The following CHRM2 variants were observed in gnomAD, a reference collection of about 807,000 sequenced individuals.
CHRM2 encodes muscarinic acetylcholine receptor M2.
Under a neutral mutation model 25.0 loss-of-function variants are expected in CHRM2, and 8 were observed. The ratio of observed to expected loss-of-function variants is 0.32; its 90% CI spans 0.19 to 0.58. The LOEUF (loss-of-function observed/expected upper bound fraction) is 0.58, where lower values mean the gene tolerates loss of function less well. CHRM2 is among the 20% of genes least tolerant of loss of function. The pLI is 0.88. For missense variants in CHRM2, 440 were observed against 567.1 expected (o/e 0.78, Z 2.28); for synonymous variants, 202 against 205.7 (o/e 0.98, Z 0.15).
intron 2 of CHRM2, among the ~76,000 whole-genome samples, chr7:136,958,386 A>G (rs1448243700): frequency 6.7e-6 from 1 of 148,336 alleles, no homozygotes; most frequent in Non-Finnish European, 1.5e-5. Context: ...TCTATTTTCT[A>G]TTGTACTTCT....
At chr7:136,945,159 T>A (rs1484878587) in intron 2 of CHRM2, among the ~76,000 whole-genome samples, 1 of 152,124 alleles carries the variant, frequency 6.6e-6, no homozygotes, top group African/African-American at 2.4e-5. Context: ...ATTGCAAAGA[T>A]GTTCTCCCCC....
In CHRM2 at chr7:137,015,568, C is replaced by A. The variant is rs138886480; in HGVS notation, c.703C>A (p.Leu235Met). ...CAACCAAGACCCCGTTTCTCCAAGTCTGGTACAAGGAAGGATAGTGAAGCC... is the reference window on the plus strand; with the variant it reads ...CAACCAAGACCCCGTTTCTCCAAGTATGGTACAAGGAAGGATAGTGAAGCC... ...VANQDPVSPS[L>M]VQGRIVKPNN... The change falls in exon 4 of 4, where the codon CTG becomes ATG. Residue 235 changes from leucine to methionine, a missense_variant. By Grantham distance (15) the Leu-to-Met change is conservative. Transcript: ENST00000680005. This position sits in a 1 kb window ranked among gnomAD's most constrained non-coding sequence, Gnocchi z 5.1. 241 of 1,612,876 alleles carry A rather than the reference C, an allele frequency of 1.5e-4. No individual in the cohort carries two copies. The East Asian group carries it at 5.2e-3, about 35-fold the overall frequency.
chr7:137,004,857 T>C (rs770168700), intron 3 of CHRM2, among the ~76,000 whole-genome samples: 9 of 152,102 alleles, frequency 5.9e-5, no homozygotes, highest in African/African-American at 2.2e-4. Flanking sequence ...CAAGTTTTCA[T>C]GGGATAACAC....
Position 137,016,300 on chromosome 7 carries a change from G to A in CHRM2, c.*34G>A. The A allele has an allele frequency of 1.9e-6, 3 of 1,597,954 alleles. No homozygotes were observed. The highest frequency in any genetic ancestry group is 1.1e-5 in the South Asian group (1 of 90,608). On this transcript the variant is annotated 3_prime_UTR_variant, in exon 4 of 4. Coordinates refer to ENST00000680005, the MANE Select transcript of CHRM2 (RefSeq NM_001006630.2). ...TGAAAAAGATAGAAGGTGGGCAAGG[G>A]GAGCTTGAGAAGAATAAAAGGGATA...
chr7:136,916,274 GAA>G (rs1293761546), intron 2 of CHRM2, among the ~76,000 whole-genome samples: 1 of 151,788 alleles, frequency 6.6e-6, no homozygotes, highest in Non-Finnish European at 1.5e-5. Flanking sequence ...TTAGAAATAA[GAA>G]AAACTCAACA....
At chr7:136,931,845 A>G (rs2130782328) in intron 2 of CHRM2, among the ~76,000 whole-genome samples, 1 of 152,362 alleles carries the variant, frequency 6.6e-6, no homozygotes, top group Non-Finnish European at 1.5e-5. Context: ...TTCCCAAACA[A>G]GAATATCTAG....
intron 3 of CHRM2, among the ~76,000 whole-genome samples, chr7:137,011,179 T>C (rs940785518): frequency 8.3e-5 from 12 of 144,036 alleles, no homozygotes; most frequent in African/African-American, 3.3e-4. Flanking sequence ...ACAGAACCAA[T>C]AGGATATATG....
intron 2 of CHRM2, among the ~76,000 whole-genome samples, chr7:136,882,648 G>A (rs1225289498): frequency 1.3e-5 from 2 of 151,972 alleles, no homozygotes; most frequent in African/African-American, 4.8e-5. Context: ...ACTCTTTCTA[G>A]GTAAAATTTT....
intron 2 of CHRM2, among the ~76,000 whole-genome samples, chr7:136,939,138 T>A (rs1413703782): frequency 6.6e-6 from 1 of 152,128 alleles, no homozygotes. Context: ...CTTGTCCCCA[T>A]GAGGAAGCAG....
intron 2 of CHRM2, chr7:136,903,292 C>A (rs1231822285): frequency 1.9e-6 from 1 of 526,350 alleles, no homozygotes. Flanking sequence ...GCGGACACTT[C>A]CAACTCCATC....
At chr7:136,885,932 C>T (rs189787579) in intron 2 of CHRM2, among the ~76,000 whole-genome samples, 196 of 152,238 alleles carry the variant, frequency 1.3e-3, no homozygotes, top group Middle Eastern at 3.4e-3. Context: ...GTACGTTATT[C>T]TCAGTAGCTA....
At chr7:136,971,574 G>A (rs1245369660) in intron 2 of CHRM2, among the ~76,000 whole-genome samples, 5 of 140,116 alleles carry the variant, frequency 3.6e-5, no homozygotes, top group Non-Finnish European at 7.5e-5. Context: ...CTGAGATCAC[G>A]CCACTGCACT....
At chr7:136,957,887 T>C (rs2350782) in intron 2 of CHRM2, among the ~76,000 whole-genome samples, 16,338 of 152,282 alleles carry the variant, frequency 0.11, 1,297 homozygotes, top group East Asian at 0.38. Flanking sequence ...CAAAAGTTTT[T>C]AAATCAATTC....
chr7:136,965,543 G>A (rs1169410074), intron 2 of CHRM2, among the ~76,000 whole-genome samples: 2 of 151,970 alleles, frequency 1.3e-5, no homozygotes, highest in African/African-American at 4.8e-5. Context: ...TAAAATTTCA[G>A]GTCCAGATAC....
In CHRM2 at chr7:136,872,612, A is replaced by G. The variant is rs150921342; in HGVS notation, c.-125+3194A>G. ...ATGGGTGGTTTCAGAGATCCAAAGA[A>G]AACAGTCCCAGACTGCTGGCAGGTA... On this transcript the variant is annotated intron_variant, in intron 2 of 3. Coordinates refer to ENST00000680005, the MANE Select transcript of CHRM2 (RefSeq NM_001006630.2). 2.3e-4 allele frequency among the ~76,000 whole-genome samples: 35 copies of G among 152,310 alleles called. No individual in the cohort carries two copies. The Middle Eastern group carries it at 0.01, about 44-fold the overall frequency.
chr7:137,012,906 C>G (rs186395995), intron 3 of CHRM2, among the ~76,000 whole-genome samples: 1 of 151,986 alleles, frequency 6.6e-6, no homozygotes, highest in Admixed American at 6.6e-5. Flanking sequence ...TCCCGCTAGT[C>G]CCACCAAAAG....
At chr7:136,922,498 G>A (rs1584761438) in intron 2 of CHRM2, among the ~76,000 whole-genome samples, 1 of 152,106 alleles carries the variant, frequency 6.6e-6, no homozygotes, top group East Asian at 1.9e-4. Flanking sequence ...CATCCTCTGG[G>A]ATCTTCTGCC....
At chr7:136,957,969 T>C (rs1337375984) in intron 2 of CHRM2, among the ~76,000 whole-genome samples, 2 of 152,246 alleles carry the variant, frequency 1.3e-5, no homozygotes, top group African/African-American at 2.4e-5. Flanking sequence ...ATATTTACCA[T>C]TTGATCATCT....
intron 2 of CHRM2, among the ~76,000 whole-genome samples, chr7:136,969,172 G>T (rs1202678867): frequency 6.6e-6 from 1 of 151,922 alleles, no homozygotes; most frequent in Non-Finnish European, 1.5e-5. Context: ...CACACACCTA[G>T]GATTAATGTT....
Sources: allele counts gnomAD v4.1 joint callset (sites outside exome capture counted in the v4.1 genomes callset), GRCh38; gene constraint gnomAD v4.1.1; non-coding constraint Gnocchi (gnomAD v3.1); transcripts MANE v1.5; gene names NCBI Gene and HGNC (gene_info 2026-07-23, HGNC 2026-07-21).